The following UNC93A variants were observed in gnomAD, a reference collection of about 807,000 sequenced individuals.
The protein encoded by UNC93A is N-acetylglucosamine transporter UNC93A.
Under a neutral mutation model 47.5 loss-of-function variants are expected in UNC93A, and 43 were observed. That is an observed-to-expected ratio of 0.91 (90% CI 0.71 to 1.17). The LOEUF (loss-of-function observed/expected upper bound fraction) is 1.17. Among genes scored for constraint, UNC93A ranks in the 50% most tolerant of loss-of-function variants. UNC93A has a pLI of 0.00. For missense variants in UNC93A, 605 were observed against 577.6 expected (o/e 1.05, Z -0.49); for synonymous variants, 280 against 258.0 (o/e 1.09, Z -0.82).
chr6:167,284,401 A>C (rs1783685655), intron 1 of UNC93A, among the ~76,000 whole-genome samples: 1 of 152,232 alleles, frequency 6.6e-6, no homozygotes, highest in South Asian at 2.1e-4. Flanking sequence ...GTTCCTACAA[A>C]ATAAGAGACA....
chr6:167,280,284 A>G (rs1183607603), intron 1 of UNC93A, among the ~76,000 whole-genome samples: 3 of 152,132 alleles, frequency 2.0e-5, no homozygotes, highest in African/African-American at 7.2e-5. Context: ...AATCCTTTGT[A>G]GAGGCTGGGG....
chr6:167,306,672 G>A (rs1778404821), intron 6 of UNC93A, among the ~76,000 whole-genome samples: 1 of 152,228 alleles, frequency 6.6e-6, no homozygotes, highest in South Asian at 2.1e-4. Context: ...CATCTGCCAG[G>A]GCCATGGAGC....
At chr6:167,286,395 C>A (rs1452452309), upstream of UNC93A, among the ~76,000 whole-genome samples, 2 of 152,248 alleles carry the variant, frequency 1.3e-5, no homozygotes, top group Non-Finnish European at 2.9e-5. Flanking sequence ...GCGGTCATTG[C>A]ATCGTAGCTG....
intron 7 of UNC93A, among the ~76,000 whole-genome samples, chr6:167,314,616 C>G (rs111840475): frequency 2.8e-4 from 42 of 152,342 alleles, no homozygotes; most frequent in Non-Finnish European, 5.7e-4. Context: ...TGCTTAGCAC[C>G]AACGTGCCTC....
upstream of UNC93A, among the ~76,000 whole-genome samples, chr6:167,288,645 T>C (rs1304503765): frequency 6.6e-6 from 1 of 152,224 alleles, no homozygotes; most frequent in African/African-American, 2.4e-5. Flanking sequence ...AGATTTCAGA[T>C]GTAAATGTCA....
In UNC93A at chr6:167,306,005, G is replaced by A; in HGVS notation, c.931G>A (p.Gly311Arg). 5 of 1,614,208 alleles carry A rather than the reference G, an allele frequency of 3.1e-6. No individual in the cohort carries two copies. Among genetic ancestry groups the A allele is most frequent in the Non-Finnish European group, 4.2e-6 (5 of 1,180,054 alleles). ...TGACGCGCTGTGCTCCGTGTTGTATGGAAAGGTCTCGCAGTACACGGGCAG... is the reference window on the plus strand; with the variant it reads ...TGACGCGCTGTGCTCCGTGTTGTATAGAAAGGTCTCGCAGTACACGGGCAG... Reference protein sequence around the residue: ...ATDALCSVLYGKVSQYTGRAV... With the variant: ...ATDALCSVLYRKVSQYTGRAV... The change falls in exon 6 of 8, where the codon GGA becomes AGA. Residue 311 changes from glycine to arginine, a missense_variant. Transcript: ENST00000230256.
chr6:167,294,992 C>T (rs1778013841), intron 2 of UNC93A, among the ~76,000 whole-genome samples: 1 of 152,098 alleles, frequency 6.6e-6, no homozygotes, highest in Non-Finnish European at 1.5e-5. Context: ...CCTGGCTGGG[C>T]GAGGGTTCCA....
chr6:167,307,114 A>G (rs932324248), intron 6 of UNC93A, among the ~76,000 whole-genome samples: 1 of 152,102 alleles, frequency 6.6e-6, no homozygotes, highest in Non-Finnish European at 1.5e-5. Context: ...GGATGCTTCA[A>G]TTTATACCTA....
rs536819652 is a variant in UNC93A, at chr6:167,314,988, A to G, written c.1109-199A>G. On this transcript the variant is annotated intron_variant, in intron 7 of 7. Transcript: ENST00000230256. ...GGTCCTCAACCTGGGCAAAATAAAC[A>G]TTCTAAGTTAACTGAGACCTGCCTC... 3.6e-3 allele frequency among the ~76,000 whole-genome samples: 552 copies of G among 152,300 alleles called. 8 individuals are homozygous for G. Among genetic ancestry groups the G allele is most frequent in the Non-Finnish European group, 3.5e-3 (240 of 68,036 alleles).
At position 167,304,252 on chromosome 6, in the gene UNC93A, G is replaced by T. The variant is rs538486309; in HGVS notation, c.840+119G>T. 6.5e-5 allele frequency: 73 copies of T among 1,122,850 alleles called. 1 individual carries two copies. The South Asian group carries it at 1.0e-3, about 16-fold the overall frequency. The allele number at this position is 1,122,850 out of a possible 1,614,324, so 69.6% of individuals were successfully genotyped here. A position where few individuals can be genotyped will look rare whatever the true frequency, so the allele number is the denominator to read the frequency against. On this transcript the variant is annotated intron_variant, in intron 5 of 7. Coordinates refer to ENST00000230256, the MANE Select transcript of UNC93A (RefSeq NM_018974.4). The stretch of plus-strand genomic sequence containing the variant: ...CCACCTGCCCAGGGCTGGGGCTGGA[G>T]GGAGCGGGGTCCTATGCTCCCAGTG...
At chr6:167,292,388 C>A (rs997713785) in intron 1 of UNC93A, among the ~76,000 whole-genome samples, 1 of 152,150 alleles carries the variant, frequency 6.6e-6, no homozygotes, top group African/African-American at 2.4e-5. Flanking sequence ...GAATTGGGCA[C>A]CTACTGTGTG....
At chr6:167,297,649 G>A (rs1478578014) in intron 3 of UNC93A, among the ~76,000 whole-genome samples, 2 of 152,112 alleles carry the variant, frequency 1.3e-5, no homozygotes, top group African/African-American at 2.4e-5. Context: ...TTTTAATTAT[G>A]TCAGAAAAGC....
At chr6:167,282,565 T>C (rs757820852) in intron 1 of UNC93A, among the ~76,000 whole-genome samples, 11 of 152,158 alleles carry the variant, frequency 7.2e-5, no homozygotes, top group Non-Finnish European at 1.0e-4. Context: ...AACAACAGAT[T>C]TTGTAGCAAA....
At chr6:167,272,654 G>A (rs1000833593) in intron 1 of UNC93A, among the ~76,000 whole-genome samples, 9 of 152,156 alleles carry the variant, frequency 5.9e-5, no homozygotes, top group Admixed American at 3.9e-4. Context: ...GCTGGTGGGA[G>A]GTTTGGGGGA....
At chr6:167,308,878 A>G (rs112120959) in intron 7 of UNC93A, among the ~76,000 whole-genome samples, 2,019 of 152,216 alleles carry the variant, frequency 0.013, 51 homozygotes, top group African/African-American at 0.046. Flanking sequence ...GTTGTCGGAT[A>G]GAAGGTGACA....
upstream of UNC93A, among the ~76,000 whole-genome samples, chr6:167,269,243 C>T (rs915945109): frequency 4.6e-5 from 7 of 152,190 alleles, no homozygotes; most frequent in Admixed American, 4.6e-4. Context: ...AACATCATGG[C>T]TCTGTGCTGA....
upstream of UNC93A, chr6:167,291,280 C>A: frequency 2.3e-6 from 1 of 438,652 alleles, no homozygotes; most frequent in Admixed American, 4.1e-5. Context: ...AACAGAGCTC[C>A]CGTATGCTTC....
At chr6:167,299,915 C>T (rs957799833) in intron 4 of UNC93A, among the ~76,000 whole-genome samples, 4 of 152,142 alleles carry the variant, frequency 2.6e-5, no homozygotes, top group East Asian at 3.9e-4. Flanking sequence ...CCCATGCCAG[C>T]GTGACTTAGA....
chr6:167,302,076 G>T (rs1010159400), intron 4 of UNC93A, among the ~76,000 whole-genome samples: 1 of 152,218 alleles, frequency 6.6e-6, no homozygotes, highest in Non-Finnish European at 1.5e-5. Flanking sequence ...AAAGTAGCCA[G>T]ATAACGGAAA....
Sources: allele counts gnomAD v4.1 joint callset (sites outside exome capture counted in the v4.1 genomes callset), GRCh38; gene constraint gnomAD v4.1.1; transcripts MANE v1.5; gene names NCBI Gene and HGNC (gene_info 2026-07-23, HGNC 2026-07-21).